Variants in ADAMTS10 observed in about 807,000 individuals in gnomAD.
ADAMTS10 encodes ADAM metallopeptidase with thrombospondin type 1 motif 10.
A neutral mutation model predicts 135.9 loss-of-function variants in ADAMTS10; 48 were observed. The observed-to-expected ratio is 0.35, with a 90% CI of 0.28 to 0.45. The LOEUF (loss-of-function observed/expected upper bound fraction) is 0.45. Ranked by LOEUF, ADAMTS10 falls within the 20% of genes least tolerant of loss-of-function variation. The pLI is 1.00. For synonymous variants in ADAMTS10, 621 were observed against 647.5 expected (o/e 0.96, Z 0.62); for missense variants, 1,131 against 1,565.2 (o/e 0.72, Z 4.68).
chr19:8,585,970 A>G (rs1266751783), intron 22 of ADAMTS10, 152 bp downstream of exon 22: 6 of 1,355,966 alleles, frequency 4.4e-6, no homozygotes, highest in Non-Finnish European at 5.1e-6. Context: ...GGACTCCCCC[A>G]TAACTCCTAT....
rs782488971 is a variant in ADAMTS10, at chr19:8,589,580, C to T, written c.1906G>A (p.Val636Met). The T allele has an allele frequency of 5.6e-6, 9 of 1,613,378 alleles. No homozygotes were observed. Among genetic ancestry groups the T allele is most frequent in the South Asian group, 3.3e-5 (3 of 91,084 alleles). The change falls in exon 17 of 26, where the codon GTG becomes ATG. Residue 636 changes from valine (V) to methionine (M), a missense_variant. Val to Met is a conservative substitution (Grantham distance 21, BLOSUM62 1). Around this residue, in one of 3 missense-constraint regions of ADAMTS10, gnomAD observed 745 missense variants for 1,056.3 expected, o/e 0.71. Coordinates refer to ENST00000597188, the MANE Select transcript of ADAMTS10 (RefSeq NM_030957.4). ...AGGCACGTGAGCGAGCAGGCCTTCA[C>T]GCCCCCTGGGGGGCACGGCCCCGTC... ...YKWKTYRGGGVKACSLTCLAE... is the reference protein window; with the variant it reads ...YKWKTYRGGGMKACSLTCLAE...
At position 8,580,242 on chromosome 19, in the gene ADAMTS10, C is replaced by T. The variant is rs1308067584; in HGVS notation, c.*651G>A. Reference sequence around the variant, plus strand: ...GCACTGACACACACACACCGCAATTCGTAGAAATCTACACAAGACAGAACT... The same window carrying T: ...GCACTGACACACACACACCGCAATTTGTAGAAATCTACACAAGACAGAACT... On this transcript the variant is annotated 3_prime_UTR_variant, in exon 26 of 26. Transcript: ENST00000597188. The T allele has an allele frequency of 1.3e-5, 2 of 153,306 alleles. No individual in the cohort carries two copies. The highest frequency in any genetic ancestry group is 1.9e-4 in the East Asian group (1 of 5,166). The allele number at this position is 153,306 out of a possible 1,614,324, so 9.5% of individuals were successfully genotyped here.
At chr19:8,592,737 A>G (rs1555739386) in intron 13 of ADAMTS10, 26 bp downstream of exon 13, 1 of 1,597,470 alleles carries the variant, frequency 6.3e-7, no homozygotes, top group African/African-American at 1.3e-5. Flanking sequence ...GGCGTGGCCC[A>G]GTTGGGGGCC....
At chr19:8,581,583 T>C (rs201970874) in intron 25 of ADAMTS10, among the ~76,000 whole-genome samples, 1 of 151,328 alleles carries the variant, frequency 6.6e-6, no homozygotes, top group East Asian at 1.9e-4. Context: ...GCCTGTAATC[T>C]CAGCACTTTG....
chr19:8,607,641 A>G (rs2042734913), intron 2 of ADAMTS10, among the ~76,000 whole-genome samples: 1 of 152,148 alleles, frequency 6.6e-6, no homozygotes, highest in Non-Finnish European at 1.5e-5. Context: ...GTTCAGCCCC[A>G]AGGGAGGGAG....
Position 8,591,840 on chromosome 19 carries a change from C to T in ADAMTS10, c.1757G>A (p.Cys586Tyr), listed in dbSNP as rs1555738995. The T allele has an allele frequency of 6.2e-7, 1 of 1,613,748 alleles. No homozygotes were observed. Among genetic ancestry groups the T allele is most frequent in the Non-Finnish European group, 8.5e-7 (1 of 1,180,022 alleles). ...GCGGTGCCGCCTTCTCTCACCCAGACAGTACTTGCCCCCGATGGTTGGCCT... is the reference window on the plus strand; with the variant it reads ...GCGGTGCCGCCTTCTCTCACCCAGATAGTACTTGCCCCCGATGGTTGGCCT... Reference protein sequence around the residue: ...SPRPTIGGKYCLGERRRHRSC... With the variant: ...SPRPTIGGKYYLGERRRHRSC... The change falls in exon 15 of 26, where the codon TGT (cysteine) becomes TAT (tyrosine). Residue 586 changes from cysteine to tyrosine, a missense_variant. By Grantham distance (194) the Cys-to-Tyr change is radical (BLOSUM62 -2). This residue lies in a region of ADAMTS10 where 745 missense variants were observed against 1,056.3 expected (regional missense o/e 0.71). Transcript: ENST00000597188.
rs940196128 is a variant in ADAMTS10, at chr19:8,601,987, C to T, written c.593-842G>A. Among the ~76,000 whole-genome samples the T allele has an allele frequency of 2.6e-5, 4 of 152,174 alleles. No homozygotes were observed. Among genetic ancestry groups the T allele is most frequent in the Non-Finnish European group, 5.9e-5 (4 of 68,030 alleles). On this transcript the variant is annotated intron_variant, in intron 5 of 25. Transcript: ENST00000597188. The surrounding 1 kb of genome is among the most constrained non-coding windows in gnomAD (Gnocchi z 4.6). ...ACAATCCACTGACAATTCCACTGCC[C>T]GAATGGAATGGTGTGAACCAGCCTG...
Position 8,605,154 on chromosome 19 carries a change from A to G in ADAMTS10, c.293T>C (p.Leu98Pro). ...GTACTCCACGGAGACGTGCCCTGCC[A>G]GTAGACGGGAGCTGCGGGTCAGGTT... ...LLNLTRSSRL[L>P]AGHVSVEYWT... The change falls in exon 4 of 26, where the codon CTG becomes CCG. Residue 98 changes from leucine to proline, a missense_variant. By Grantham distance (98) the Leu-to-Pro change is moderately conservative. This residue lies in a region of ADAMTS10 where 306 missense variants were observed against 344.4 expected (regional missense o/e 0.89). Transcript: ENST00000597188. This position sits in a 1 kb window ranked among gnomAD's most constrained non-coding sequence, Gnocchi z 7.7. 6.2e-7 allele frequency: 1 copy of G among 1,613,964 alleles called. No homozygotes were observed. The highest frequency in any genetic ancestry group is 8.5e-7 in the Non-Finnish European group (1 of 1,179,956).
Position 8,585,494 on chromosome 19 carries a change from T to TGG in ADAMTS10, c.2825_2826dup (p.Thr943ProfsTer131), listed in dbSNP as rs1555736773. The TGG allele has an allele frequency of 6.5e-7, 1 of 1,540,664 alleles. No homozygotes were observed. Among genetic ancestry groups the TGG allele is most frequent in the Admixed American group, 2.0e-5 (1 of 50,730 alleles). On this transcript the variant is annotated frameshift_variant, in exon 23 of 26. Coordinates refer to ENST00000597188, the MANE Select transcript of ADAMTS10 (RefSeq NM_030957.4). LOFTEE classifies it high-confidence loss of function. ...AGGGCCGCCCACTCCGGAGGGCAAG[T>TGG]GGGGCCGTGGCAGGCCTCCAGTACA...
At chr19:8,609,967 ACACT>A (rs2042762993) in intron 1 of ADAMTS10, among the ~76,000 whole-genome samples, 1 of 152,004 alleles carries the variant, frequency 6.6e-6, no homozygotes, top group African/African-American at 2.4e-5. Flanking sequence ...GTGTAAACAC[ACACT>A]CATTTACACG....
intron 16 of ADAMTS10, 29 bp downstream of exon 16, chr19:8,589,860 C>T (rs2042498240): frequency 4.4e-6 from 7 of 1,599,994 alleles, no homozygotes; most frequent in Non-Finnish European, 5.1e-6. Flanking sequence ...CCCTTCACGG[C>T]CCCACAGCCT....
Position 8,585,440 on chromosome 19 carries a change from G to A in ADAMTS10, c.2865+16C>T. ...CCTGGGCATCCCAGTGGGCGCGAAG[G>A]AAGGGGGCGGCTGACCTCAGACCAG... On this transcript the variant is annotated intron_variant, in intron 23 of 25. Coordinates refer to ENST00000597188, the MANE Select transcript of ADAMTS10 (RefSeq NM_030957.4). The A allele has an allele frequency of 6.5e-7, 1 of 1,537,322 alleles. No homozygotes were observed. The highest frequency in any genetic ancestry group is 1.4e-5 in the African/African-American group (1 of 73,006).
At chr19:8,609,331 T>C (rs1236551496) in intron 1 of ADAMTS10, among the ~76,000 whole-genome samples, 1 of 149,148 alleles carries the variant, frequency 6.7e-6, no homozygotes, top group Non-Finnish European at 1.5e-5. Flanking sequence ...TGGGGGAGGG[T>C]GCCAGGCCTG....
rs1310703220 is a variant in ADAMTS10 at position 8,590,002 on chromosome 19, G to A, written c.1798-11C>T. The A allele has an allele frequency of 2.5e-6, 4 of 1,606,138 alleles. No individual in the cohort carries two copies. Among genetic ancestry groups the A allele is most frequent in the Non-Finnish European group, 3.4e-6 (4 of 1,174,018 alleles). On this transcript the variant is annotated splice_polypyrimidine_tract_variant and intron_variant, in intron 15 of 25. Transcript: ENST00000597188. ...GCCAGGGGGACAGTCCTGGGGGCAG[G>A]AGAGGAGAGATGGAGGGAGGCCAGG... is the stretch of plus-strand genomic sequence containing the variant.
intron 18 of ADAMTS10, among the ~76,000 whole-genome samples, chr19:8,587,332 C>CATTTTT (rs1568394348): frequency 1.1e-5 from 1 of 92,496 alleles, no homozygotes; most frequent in African/African-American, 3.7e-5. Flanking sequence ...AACTAAAAAA[C>CATTTTT]CTTTTTTTTT....
chr19:8,604,031 G>A (rs1357910809), intron 4 of ADAMTS10, 147 bp from the exon 5 acceptor site: 6 of 742,848 alleles, frequency 8.1e-6, no homozygotes, highest in South Asian at 8.0e-5. Flanking sequence ...GGTAATTAGT[G>A]TCCATGCTAT....
intron 6 of ADAMTS10, among the ~76,000 whole-genome samples, chr19:8,599,393 C>A (rs1314926336): frequency 1.3e-5 from 2 of 151,788 alleles, no homozygotes; most frequent in African/African-American, 4.8e-5. Flanking sequence ...TGCAATGGTG[C>A]GATCTTGGCT....
In ADAMTS10 at chr19:8,592,882, G is replaced by C; in HGVS notation, c.1480-12C>G. On this transcript the variant is annotated splice_polypyrimidine_tract_variant and intron_variant, in intron 12 of 25. Transcript: ENST00000597188. ...TCGCTGCAGACCTCCTGCGGGCCGA[G>C]GTGCCCGCTCAGGCTCGCCCCCCTC... 6.2e-7 allele frequency: 1 copy of C among 1,607,734 alleles called. No homozygotes were observed. Among genetic ancestry groups the C allele is most frequent in the African/African-American group, 1.3e-5 (1 of 75,042 alleles).
At chr19:8,608,467 C>A (rs1350592985) in intron 1 of ADAMTS10, among the ~76,000 whole-genome samples, 16 of 152,150 alleles carry the variant, frequency 1.1e-4, no homozygotes. Flanking sequence ...CCTATTCCTT[C>A]TTTGGAAGTG....
Sources: allele counts gnomAD v4.1 joint callset (sites outside exome capture counted in the v4.1 genomes callset), GRCh38; gene constraint gnomAD v4.1.1; regional missense constraint gnomAD v4.1.1; non-coding constraint Gnocchi (gnomAD v3.1); transcripts MANE v1.5; gene names NCBI Gene and HGNC (gene_info 2026-07-23, HGNC 2026-07-21).